PRKAR2A: variants seen among roughly 807,000 people sequenced by gnomAD.
PRKAR2A encodes the protein cAMP-dependent protein kinase type II-alpha regulatory subunit.
A neutral mutation model predicts 51.9 loss-of-function variants in PRKAR2A; 29 were observed. The observed-to-expected ratio is 0.56, with a 90% confidence interval of 0.42 to 0.76. PRKAR2A has a LOEUF of 0.76. Among genes scored for constraint, PRKAR2A ranks in the 30% least tolerant of loss-of-function variants. The probability of loss-of-function intolerance (pLI) is 0.00; values close to 1 mark genes in which losing one functional copy is unlikely to be tolerated. For missense variants in PRKAR2A, 445 were observed against 512.1 expected, an observed-to-expected ratio of 0.87 and a Z score of 1.26; for synonymous variants, 178 against 186.2, an observed-to-expected ratio of 0.96 and a Z score of 0.36.
At chr3:48,841,269 G>A (rs1011689240) in intron 1 of PRKAR2A, among the ~76,000 whole-genome samples, 2 of 151,666 alleles carry the variant, frequency 1.3e-5, no homozygotes, top group African/African-American at 4.8e-5. Context: ...GGGTAGGCCG[G>A]GAACGGTGGC....
chr3:48,834,479 A>G (rs1466683636), intron 1 of PRKAR2A, among the ~76,000 whole-genome samples: 1 of 152,196 alleles, frequency 6.6e-6, no homozygotes. Flanking sequence ...TCATGACTGT[A>G]ATCCCAACAC....
At chr3:48,802,029 C>T (rs1273123236) in intron 2 of PRKAR2A, among the ~76,000 whole-genome samples, 1 of 152,190 alleles carries the variant, frequency 6.6e-6, no homozygotes, top group African/African-American at 2.4e-5. Flanking sequence ...CCTGCCTCAG[C>T]CTCCTGAGTA....
At chr3:48,833,975 T>C (rs1166129297) in intron 1 of PRKAR2A, among the ~76,000 whole-genome samples, 2 of 147,634 alleles carry the variant, frequency 1.4e-5, no homozygotes. Context: ...AGACAGGTTG[T>C]AGTGAGCTGA....
chr3:48,816,905 G>A (rs1255576763), intron 1 of PRKAR2A, among the ~76,000 whole-genome samples: 17 of 151,964 alleles, frequency 1.1e-4, no homozygotes, highest in Admixed American at 1.1e-3. Flanking sequence ...AAGGAGACTG[G>A]GTACAATGGC....
intron 1 of PRKAR2A, among the ~76,000 whole-genome samples, chr3:48,845,954 A>C (rs2083454577): frequency 6.6e-6 from 1 of 152,062 alleles, no homozygotes; most frequent in South Asian, 2.1e-4. Flanking sequence ...TTTAAAAAAA[A>C]AAAAAGGTGT....
intron 1 of PRKAR2A, among the ~76,000 whole-genome samples, chr3:48,824,678 C>T (rs904663639): frequency 3.9e-5 from 6 of 152,132 alleles, no homozygotes; most frequent in African/African-American, 1.4e-4. Flanking sequence ...AGCATGATGG[C>T]TCACGCCCAT....
intron 5 of PRKAR2A, among the ~76,000 whole-genome samples, chr3:48,778,670 C>T (rs772589847): frequency 1.3e-5 from 2 of 151,826 alleles, no homozygotes; most frequent in Non-Finnish European, 2.9e-5. Context: ...CAGGCACATG[C>T]CACCATGCCC....
intron 8 of PRKAR2A, 78 bp downstream of exon 8, chr3:48,764,926 G>A: frequency 4.4e-6 from 6 of 1,355,530 alleles, no homozygotes; most frequent in Non-Finnish European, 6.3e-6. Flanking sequence ...CGTCCGGCAA[G>A]AAGTTTTTGA....
intron 8 of PRKAR2A, among the ~76,000 whole-genome samples, chr3:48,762,986 G>A (rs2081886016): frequency 6.6e-6 from 1 of 152,132 alleles, no homozygotes; most frequent in Non-Finnish European, 1.5e-5. Context: ...GAGTGTGGGG[G>A]AGGGTACTGA....
chr3:48,820,503 T>C (rs1249203059), intron 1 of PRKAR2A, among the ~76,000 whole-genome samples: 1 of 152,170 alleles, frequency 6.6e-6, no homozygotes, highest in African/African-American at 2.4e-5. Context: ...ACTCGATTCA[T>C]ATGATAAGTA....
At chr3:48,765,936 T>C (rs1180713716) in intron 6 of PRKAR2A, among the ~76,000 whole-genome samples, 3 of 152,176 alleles carry the variant, frequency 2.0e-5, no homozygotes, top group Admixed American at 6.6e-5. Flanking sequence ...AATATGAAGG[T>C]TGGCTGAATG....
chr3:48,831,811 T>G (rs1210845902), intron 1 of PRKAR2A, among the ~76,000 whole-genome samples: 2 of 151,792 alleles, frequency 1.3e-5, no homozygotes, highest in African/African-American at 2.4e-5. Flanking sequence ...GAGACGGGGT[T>G]TCACCATACT....
intron 6 of PRKAR2A, among the ~76,000 whole-genome samples, chr3:48,770,877 G>T (rs1242664016): frequency 6.6e-6 from 1 of 152,146 alleles, no homozygotes; most frequent in Non-Finnish European, 1.5e-5. Flanking sequence ...TGGTTTTACA[G>T]CTCAATATAC....
intron 9 of PRKAR2A, among the ~76,000 whole-genome samples, chr3:48,753,196 G>A (rs2081690016): frequency 6.6e-6 from 1 of 151,128 alleles, no homozygotes; most frequent in Non-Finnish European, 1.5e-5. Context: ...GCCTCTCAAA[G>A]TGCTGGGATT....
At chr3:48,782,560 A>G (rs551586974) in intron 5 of PRKAR2A, among the ~76,000 whole-genome samples, 9 of 151,902 alleles carry the variant, frequency 5.9e-5, no homozygotes, top group Admixed American at 5.9e-4. Flanking sequence ...GGTTCAAGTG[A>G]TTCTCCAGCC....
chr3:48,802,991 T>C (rs946615486), intron 2 of PRKAR2A, among the ~76,000 whole-genome samples: 3 of 152,126 alleles, frequency 2.0e-5, no homozygotes, highest in Admixed American at 6.6e-5. Context: ...GTGATGGGAT[T>C]CTGGAAATTC....
At chr3:48,825,648 A>T (rs2083051791) in intron 1 of PRKAR2A, among the ~76,000 whole-genome samples, 1 of 152,116 alleles carries the variant, frequency 6.6e-6, no homozygotes, top group Non-Finnish European at 1.5e-5. Flanking sequence ...TCTCAAAATA[A>T]AAAAATTAAA....
At chr3:48,823,257 A>G (rs1008491546) in intron 1 of PRKAR2A, among the ~76,000 whole-genome samples, 4 of 152,040 alleles carry the variant, frequency 2.6e-5, no homozygotes, top group African/African-American at 9.7e-5. Context: ...TAAAGATAAG[A>G]ACTCAAGAAA....
intron 6 of PRKAR2A, among the ~76,000 whole-genome samples, chr3:48,772,648 CT>C (rs997300364): frequency 2.8e-5 from 4 of 144,900 alleles, no homozygotes; most frequent in Non-Finnish European, 4.6e-5. Context: ...CAATAAAGTG[CT>C]TTTTTTTTTG....
Sources: gnomAD v4.1 joint callset for allele counts (sites outside exome capture counted in the v4.1 genomes callset) on GRCh38, gnomAD v4.1.1 for gene constraint, MANE v1.5 for transcripts, NCBI Gene and HGNC (gene_info 2026-07-23, HGNC 2026-07-21) for gene names.